Variants in PSMC3 observed in about 807,000 individuals in gnomAD.
The protein encoded by PSMC3 is proteasome 26S subunit, ATPase 3, also known as 26S proteasome regulatory subunit 6A.
In PSMC3, 11 loss-of-function variants were observed where a neutral mutation model predicts 52.0. The observed-to-expected ratio is 0.21, with a 90% CI of 0.13 to 0.35. The LOEUF (loss-of-function observed/expected upper bound fraction) is 0.35, where lower values mean the gene tolerates loss of function less well. PSMC3 is among the 10% of genes least tolerant of loss of function. PSMC3 has a pLI of 1.00. For synonymous variants in PSMC3, 201 were observed against 218.8 expected (o/e 0.92, Z 0.72); for missense variants, 238 against 567.1 (o/e 0.42, Z 5.89).
At position 47,425,877 on chromosome 11, in the gene PSMC3, C is replaced by A; in HGVS notation, c.149G>T (p.Ser50Ile). 1 of 1,613,830 alleles carries A rather than the reference C, an allele frequency of 6.2e-7. No homozygotes were observed. The highest frequency in any genetic ancestry group is 8.5e-7 in the Non-Finnish European group (1 of 1,179,712). ...EIIQRTRLLD[S>I]EIKIMKSEVL... ...GAGCTGTGCGCCCACCTTGATCTCA[C>A]TGTCCAGCAGCCGTGTGCGCTGGAT... The change falls in exon 2 of 12, where the codon AGT becomes ATT. Residue 50 changes from serine (S) to isoleucine (I), a missense_variant. This residue lies in a region of PSMC3 where 48 missense variants were observed against 63.4 expected (regional missense o/e 0.76). Transcript: ENST00000298852.
At chr11:47,425,742 T>C in intron 2 of PSMC3, 125 bp downstream of exon 2, 2 of 781,156 alleles carry the variant, frequency 2.6e-6, no homozygotes, top group Non-Finnish European at 4.2e-6. Context: ...CTTCCTGATA[T>C]GAGGGGGAAG....
intron 10 of PSMC3, 92 bp from the exon 11 acceptor site, chr11:47,419,289 G>A (rs2096037113): frequency 1.5e-6 from 2 of 1,370,868 alleles, no homozygotes; most frequent in Admixed American, 1.8e-5. Flanking sequence ...AAGCAACAAA[G>A]TCAAGTTGCC....
chr11:47,423,022 AC>A lies in PSMC3; in HGVS notation c.592-50del, dbSNP rs778709666. On this transcript the variant is annotated intron_variant, in intron 6 of 11. Transcript: ENST00000298852. ...AGGAGATGAAGCCCTGAGGGCTTCT[AC>A]AGCCCAACCCTTCATGGCTCCAACC... 1.5e-5 allele frequency: 23 copies of A among 1,546,068 alleles called. No homozygotes were observed. The Middle Eastern group carries it at 1.0e-3, about 70-fold the overall frequency.
intron 6 of PSMC3, 152 bp downstream of exon 6, chr11:47,423,894 G>C (rs969391058): frequency 1.9e-6 from 2 of 1,068,772 alleles, no homozygotes; most frequent in Non-Finnish European, 2.8e-6. Flanking sequence ...AACTCTCTGG[G>C]CTTCAGTCTC....
At chr11:47,423,965 A>G in intron 6 of PSMC3, 81 bp downstream of exon 6, 1 of 1,591,178 alleles carries the variant, frequency 6.3e-7, no homozygotes, top group South Asian at 1.1e-5. Flanking sequence ...TGAAAGACAC[A>G]TTAGGGAGAT....
In PSMC3 at chr11:47,424,516, C is replaced by T; in HGVS notation, c.391-25G>A. 3 of 1,613,276 alleles carry T rather than the reference C, an allele frequency of 1.9e-6. No homozygotes were observed. Among genetic ancestry groups the T allele is most frequent in the Non-Finnish European group, 2.5e-6 (3 of 1,179,188 alleles). ...TCTGTGGACAAGTTACAGGGGCAGTCTCAGTTAGTGTCCTCAGGGAAGGCT... is the reference window on the plus strand; with the variant it reads ...TCTGTGGACAAGTTACAGGGGCAGTTTCAGTTAGTGTCCTCAGGGAAGGCT... On this transcript the variant is annotated intron_variant, in intron 4 of 11. Coordinates refer to ENST00000298852, the MANE Select transcript of PSMC3 (RefSeq NM_002804.5). This position sits in a 1 kb window ranked among gnomAD's most constrained non-coding sequence, Gnocchi z 4.8.
chr11:47,425,746 G>C lies in PSMC3; in HGVS notation c.159+121C>G, dbSNP rs916639533. The stretch of plus-strand genomic sequence containing the variant: ...TTCTTTCCTCTCTTCCTGATATGAG[G>C]GGGAAGCCCGAGCCCCATGTCTCCC... On this transcript the variant is annotated intron_variant, in intron 2 of 11. Transcript: ENST00000298852. The C allele has an allele frequency of 3.7e-6, 3 of 808,274 alleles. No homozygotes were observed. In the Admixed American group the frequency reaches 7.6e-5, roughly 20 times the overall value. The allele number at this position is 808,274 out of a possible 1,614,324, so 50.1% of individuals were successfully genotyped here.
intron 6 of PSMC3, among the ~76,000 whole-genome samples, chr11:47,423,265 T>C (rs1179883087): frequency 6.7e-6 from 1 of 150,156 alleles, no homozygotes; most frequent in African/African-American, 2.5e-5. Context: ...CCGGGCGGGG[T>C]GGTCGGGTGC....
intron 2 of PSMC3, 135 bp from the exon 3 acceptor site, chr11:47,425,381 C>A: frequency 2.7e-6 from 3 of 1,098,528 alleles, no homozygotes; most frequent in Non-Finnish European, 4.0e-6. Flanking sequence ...TCTCTGAAGG[C>A]AGAGTCTGAC....
intron 8 of PSMC3, among the ~76,000 whole-genome samples, chr11:47,421,308 T>G (rs2096040203): frequency 1.4e-5 from 2 of 143,856 alleles, no homozygotes; most frequent in African/African-American, 5.2e-5. Context: ...CTGTTAACTG[T>G]GATGAATGTA....
chr11:47,418,926 C>T lies in PSMC3; in HGVS notation c.1229G>A (p.Arg410Lys), dbSNP rs776430838. Residue 410 changes from arginine (R) to lysine (K), a missense_variant, in exon 12 of 12, where the codon AGG becomes AAG. Arg to Lys is a conservative substitution (Grantham distance 26). This residue lies in a region of PSMC3 where 23 missense variants were observed against 64.6 expected (regional missense o/e 0.36). Transcript: ENST00000298852. ...CVEAGMIALR[R>K]GATELTHEDY... Reference sequence around the variant, plus strand: ...CTCGTGGGTGAGCTCCGTGGCACCCCTGCGCAGTGCGATCATGCCCTACAG... The same window carrying T: ...CTCGTGGGTGAGCTCCGTGGCACCCTTGCGCAGTGCGATCATGCCCTACAG... 1 of 1,614,084 alleles carries T rather than the reference C, an allele frequency of 6.2e-7. No homozygotes were observed. Among genetic ancestry groups the T allele is most frequent in the African/African-American group, 1.3e-5 (1 of 74,940 alleles).
At chr11:47,421,654 AT>A (rs10710820) in intron 8 of PSMC3, among the ~76,000 whole-genome samples, 137,757 of 140,426 alleles carry the variant, frequency 0.98, 67,557 homozygotes, top group South Asian at 0.99. Context: ...GGAAAGTTTG[AT>A]TTTTTTTTTT....
At chr11:47,419,051 C>T in intron 11 of PSMC3, 65 bp downstream of exon 11, 7 of 1,609,998 alleles carry the variant, frequency 4.3e-6, no homozygotes, top group Non-Finnish European at 6.0e-6. Context: ...CCAAATGCCC[C>T]CATCCTGTCC....
intron 1 of PSMC3, 109 bp from the exon 2 acceptor site, chr11:47,426,059 T>C: frequency 7.1e-7 from 1 of 1,406,930 alleles, no homozygotes; most frequent in Non-Finnish European, 9.9e-7. Context: ...AAAACCAGGA[T>C]GGAGTCAGGA....
rs1282217755 is a variant in PSMC3, at chr11:47,424,494, G to A, written c.391-3C>T. 1.2e-6 allele frequency: 2 copies of A among 1,614,138 alleles called. No homozygotes were observed. Among genetic ancestry groups the A allele is most frequent in the East Asian group, 2.2e-5 (1 of 44,886 alleles). ...CCAATCACAGGAAGGAAGTACGTCT[G>A]TGGACAAGTTACAGGGGCAGTCTCA... On this transcript the variant is annotated splice_polypyrimidine_tract_variant and splice_region_variant and intron_variant, in intron 4 of 11. Transcript: ENST00000298852. This position sits in a 1 kb window ranked among gnomAD's most constrained non-coding sequence, Gnocchi z 4.8.
rs1044457308 is a variant in PSMC3, at chr11:47,422,987, G to C, written c.592-14C>G. The C allele has an allele frequency of 6.2e-7, 1 of 1,600,240 alleles. No individual in the cohort carries two copies. Among genetic ancestry groups the C allele is most frequent in the African/African-American group, 1.3e-5 (1 of 74,390 alleles). On this transcript the variant is annotated splice_polypyrimidine_tract_variant and intron_variant, in intron 6 of 11. Transcript: ENST00000298852. The surrounding 1 kb of genome is among the most constrained non-coding windows in gnomAD (Gnocchi z 4.3). ...GGCCTCCACCAGCTGCCAGGAGGAAGTCCTGGGTGAGGAGATGAAGCCCTG... is the reference window on the plus strand; with the variant it reads ...GGCCTCCACCAGCTGCCAGGAGGAACTCCTGGGTGAGGAGATGAAGCCCTG...
chr11:47,420,418 G>A lies in PSMC3; in HGVS notation c.982-9C>T, dbSNP rs763569702. The A allele has an allele frequency of 6.2e-7, 1 of 1,608,032 alleles. No homozygotes were observed. The highest frequency in any genetic ancestry group is 2.2e-5 in the East Asian group (1 of 44,808). On this transcript the variant is annotated splice_polypyrimidine_tract_variant and intron_variant, in intron 9 of 11. Transcript: ENST00000298852. ...TTTGTGGCTGCAATTACCTGAGGAA[G>A]AGAAGCCACAACTTGAAAGGAGCAA... is the stretch of plus-strand genomic sequence containing the variant.
Position 47,422,905 on chromosome 11 carries a change from T to G in PSMC3, c.660A>C (p.Pro220=). 6.2e-7 allele frequency: 1 copy of G among 1,613,994 alleles called. No individual in the cohort carries two copies. The highest frequency in any genetic ancestry group is 2.2e-5 in the East Asian group (1 of 44,874). ...GGGGCCCATACATCAGCACCCCTTT[T>G]GGAGGTTGGATCCCCAAGTTCTCAA... ...EKFENLGIQP[P]KGVLMYGPPG... The change falls in exon 7 of 12, where the codon CCA becomes CCC. Residue 220 remains proline, a synonymous_variant. Coordinates refer to ENST00000298852, the MANE Select transcript of PSMC3 (RefSeq NM_002804.5). This position sits in a 1 kb window ranked among gnomAD's most constrained non-coding sequence, Gnocchi z 4.3.
chr11:47,420,087 C>T (rs529199867), intron 10 of PSMC3, among the ~76,000 whole-genome samples, 177 bp downstream of exon 10: 119 of 152,240 alleles, frequency 7.8e-4, no homozygotes, highest in Non-Finnish European at 1.5e-3. Flanking sequence ...CCTGGCAAGA[C>T]GCTACATCAC....
Sources: allele counts gnomAD v4.1 joint callset (sites outside exome capture counted in the v4.1 genomes callset), GRCh38; gene constraint gnomAD v4.1.1; regional missense constraint gnomAD v4.1.1; non-coding constraint Gnocchi (gnomAD v3.1); transcripts MANE v1.5; gene names NCBI Gene and HGNC (gene_info 2026-07-23, HGNC 2026-07-21).